Variants in ZNF366 observed in about 807,000 individuals in gnomAD.
The protein encoded by ZNF366 is zinc finger protein 366.
A neutral mutation model predicts 47.2 loss-of-function variants in ZNF366; 20 were observed. The ratio of observed to expected loss-of-function variants is 0.42; its 90% CI spans 0.30 to 0.62. The LOEUF is 0.62. Ranked by LOEUF, ZNF366 falls within the 20% of genes least tolerant of loss-of-function variation. The probability of loss-of-function intolerance (pLI) is 0.16; values close to 1 mark genes in which losing one functional copy is unlikely to be tolerated. For missense variants in ZNF366, 987 were observed against 976.3 expected (o/e 1.01, Z -0.15); for synonymous variants, 421 against 395.1 (o/e 1.07, Z -0.78).
intron 1 of ZNF366, among the ~76,000 whole-genome samples, chr5:72,492,573 C>T (rs1744034592): frequency 6.6e-6 from 1 of 152,190 alleles, no homozygotes; most frequent in African/African-American, 2.4e-5. Context: ...GTTCTTTTCT[C>T]CTATCTTCAA....
chr5:72,459,253 G>T (rs1743253057), intron 2 of ZNF366, among the ~76,000 whole-genome samples: 1 of 152,184 alleles, frequency 6.6e-6, no homozygotes, highest in African/African-American at 2.4e-5. Context: ...CAGAATTAAA[G>T]AATGCTTTAG....
At chr5:72,458,006 A>ATCTT (rs1743224573) in intron 2 of ZNF366, among the ~76,000 whole-genome samples, 2 of 142,178 alleles carry the variant, frequency 1.4e-5, no homozygotes, top group African/African-American at 2.6e-5. Context: ...TTATTTTAGC[A>ATCTT]TCTTTCTTTT....
intron 1 of ZNF366, among the ~76,000 whole-genome samples, chr5:72,468,031 G>T (rs993597950): frequency 3.9e-5 from 6 of 152,150 alleles, no homozygotes; most frequent in Admixed American, 1.3e-4. Context: ...TCTGAAGAGG[G>T]ATTTTTAAGT....
intron 1 of ZNF366, chr5:72,472,465 C>A (rs1292632189): frequency 3.9e-6 from 3 of 774,582 alleles, no homozygotes; most frequent in Admixed American, 1.3e-4. Context: ...CCTTTCCCAA[C>A]CAGTGCCACA....
chr5:72,499,748 A>G (rs1241475867), intron 1 of ZNF366, among the ~76,000 whole-genome samples: 1 of 152,178 alleles, frequency 6.6e-6, no homozygotes, highest in African/African-American at 2.4e-5. Context: ...AGTGGTGGAC[A>G]CTATGGAGGT....
At chr5:72,452,509 C>T (rs919283683) in intron 3 of ZNF366, among the ~76,000 whole-genome samples, 1 of 152,162 alleles carries the variant, frequency 6.6e-6, no homozygotes, top group African/African-American at 2.4e-5. Flanking sequence ...AAACTCTGAC[C>T]CCAAACACTG....
At chr5:72,466,758 A>G (rs1454187684) in intron 1 of ZNF366, among the ~76,000 whole-genome samples, 1 of 152,222 alleles carries the variant, frequency 6.6e-6, no homozygotes, top group Non-Finnish European at 1.5e-5. Flanking sequence ...TCCCTAATGA[A>G]ATCATCAGCA....
intron 1 of ZNF366, among the ~76,000 whole-genome samples, chr5:72,496,729 T>C (rs540546110): frequency 1.3e-5 from 2 of 152,184 alleles, no homozygotes; most frequent in South Asian, 4.1e-4. Flanking sequence ...TGCAAAGAGG[T>C]AGTACCCTTT....
chr5:72,467,083 T>C lies in ZNF366; in HGVS notation c.-14-5573A>G, dbSNP rs1006603830. Among the ~76,000 whole-genome samples the C allele has an allele frequency of 2.6e-5, 4 of 152,216 alleles. No homozygotes were observed. The East Asian group carries it at 7.7e-4, about 29-fold the overall frequency. On this transcript the variant is annotated intron_variant, in intron 1 of 4. Transcript: ENST00000318442. ...TTCACTCTTCCACCTAAAAAAATGT[T>C]TGGGAAATTAGTTGCAACCCATTCT...
At chr5:72,480,613 T>C (rs1580247774) in intron 1 of ZNF366, among the ~76,000 whole-genome samples, 1 of 152,330 alleles carries the variant, frequency 6.6e-6, no homozygotes, top group Non-Finnish European at 1.5e-5. Context: ...CAAGTTTTCA[T>C]CTTCATTTAT....
intron 1 of ZNF366, among the ~76,000 whole-genome samples, chr5:72,489,735 G>A (rs1017865971): frequency 2.0e-5 from 3 of 152,216 alleles, no homozygotes; most frequent in Non-Finnish European, 4.4e-5. Flanking sequence ...GAGAGCCCCT[G>A]AATGGAGCAA....
intron 1 of ZNF366, among the ~76,000 whole-genome samples, chr5:72,483,537 C>G (rs1743829465): frequency 6.6e-6 from 1 of 152,126 alleles, no homozygotes; most frequent in Non-Finnish European, 1.5e-5. Context: ...ATTCTTTGTG[C>G]CTGTGAGCCA....
At chr5:72,495,373 C>T (rs905470455) in intron 1 of ZNF366, among the ~76,000 whole-genome samples, 4 of 152,078 alleles carry the variant, frequency 2.6e-5, no homozygotes, top group Non-Finnish European at 5.9e-5. Context: ...GATGAAGAAA[C>T]CGCACAGGTG....
chr5:72,447,514 A>T, intron 3 of ZNF366, 97 bp from the exon 4 acceptor site: 1 of 1,424,378 alleles, frequency 7.0e-7, no homozygotes, highest in Non-Finnish European at 9.6e-7. Flanking sequence ...TTGTTTGGAC[A>T]TTGACATTTT....
intron 1 of ZNF366, among the ~76,000 whole-genome samples, chr5:72,505,269 T>G (rs1744297469): frequency 6.6e-6 from 1 of 152,158 alleles, no homozygotes; most frequent in Non-Finnish European, 1.5e-5. Context: ...AAAGATAGAT[T>G]GAGTGGTAGT....
chr5:72,448,022 A>G (rs1253166347), intron 3 of ZNF366, among the ~76,000 whole-genome samples: 1 of 151,866 alleles, frequency 6.6e-6, no homozygotes, highest in Non-Finnish European at 1.5e-5. Flanking sequence ...TCCCAACACA[A>G]CTCTTCTGTA....
intron 1 of ZNF366, among the ~76,000 whole-genome samples, chr5:72,489,185 A>T (rs988651946): frequency 5.9e-5 from 9 of 152,124 alleles, no homozygotes; most frequent in Admixed American, 2.6e-4. Flanking sequence ...AGACCAGCCT[A>T]AGCAACACAA....
chr5:72,443,941 CA>C lies in ZNF366; in HGVS notation c.2049del (p.Ala685GlnfsTer43). 6.2e-7 allele frequency: 1 copy of C among 1,614,188 alleles called. No homozygotes were observed. Among genetic ancestry groups the C allele is most frequent in the Non-Finnish European group, 8.5e-7 (1 of 1,180,020 alleles). ...GEWEKRSKGD[L>X]GAEGGQERDC... The stretch of plus-strand genomic sequence containing the variant: ...TCTCTCTCCTGGCCGCCCTCTGCCC[CA>C]AGGTCACCCTTGCTCCTCTTCTCCC... On this transcript the variant is annotated frameshift_variant, in exon 5 of 5. Transcript: ENST00000318442. LOFTEE classifies it high-confidence loss of function.
intron 1 of ZNF366, among the ~76,000 whole-genome samples, chr5:72,503,479 A>T (rs1744255406): frequency 6.6e-6 from 1 of 152,102 alleles, no homozygotes; most frequent in African/African-American, 2.4e-5. Context: ...TCATCCCATG[A>T]AGTGGACAGG....
Sources: gnomAD v4.1 joint callset for allele counts (sites outside exome capture counted in the v4.1 genomes callset) on GRCh38, gnomAD v4.1.1 for gene constraint, MANE v1.5 for transcripts, NCBI Gene and HGNC (gene_info 2026-07-23, HGNC 2026-07-21) for gene names.